The following TRAPPC12 variants were observed in gnomAD, a reference collection of about 807,000 sequenced individuals.
TRAPPC12 encodes the protein trafficking protein particle complex subunit 12.
A neutral mutation model predicts 69.2 loss-of-function variants in TRAPPC12; 61 were observed. The observed-to-expected ratio is 0.88, with a 90% CI of 0.72 to 1.09. The LOEUF (loss-of-function observed/expected upper bound fraction) is 1.09, where lower values mean the gene tolerates loss of function less well. TRAPPC12 is among the 50% of genes least tolerant of loss of function. The pLI is 0.00. For synonymous variants in TRAPPC12, 469 were observed against 438.9 expected (o/e 1.07, Z -0.86); for missense variants, 1,101 against 1,016.4 (o/e 1.08, Z -1.13).
chr2:3,417,305 C>G (rs1390023835), intron 3 of TRAPPC12, among the ~76,000 whole-genome samples: 2 of 152,114 alleles, frequency 1.3e-5, no homozygotes, highest in Non-Finnish European at 2.9e-5. Context: ...TCTCTCTCAC[C>G]CTCTAGGGAG....
At chr2:3,428,693 G>T (rs1223922821) in intron 5 of TRAPPC12, among the ~76,000 whole-genome samples, 1 of 152,124 alleles carries the variant, frequency 6.6e-6, no homozygotes, top group Non-Finnish European at 1.5e-5. Flanking sequence ...CCAAAGCCCA[G>T]CCCCGTTTCT....
chr2:3,440,016 CT>C (rs1467194777), intron 5 of TRAPPC12, among the ~76,000 whole-genome samples: 1 of 151,950 alleles, frequency 6.6e-6, no homozygotes, highest in Non-Finnish European at 1.5e-5. Flanking sequence ...GGACCAATTT[CT>C]TGTCTTTCTG....
At chr2:3,476,018 G>A (rs184438341) in intron 9 of TRAPPC12, among the ~76,000 whole-genome samples, 1 of 152,320 alleles carries the variant, frequency 6.6e-6, no homozygotes, top group African/African-American at 2.4e-5. Context: ...GCGTCACGGA[G>A]CCCATGCTGC....
rs1441420760 is a variant in TRAPPC12 at position 3,453,485 on chromosome 2, G to A, written c.1531-4136G>A. ...TCTTCCTGAAGCACTTGGCACTGTT[G>A]CCTCATCTCTGTCCTCTTCCTCCTA... is the stretch of plus-strand genomic sequence containing the variant. On this transcript the variant is annotated intron_variant, in intron 6 of 11. Coordinates refer to ENST00000324266, the MANE Select transcript of TRAPPC12 (RefSeq NM_016030.6). Among the ~76,000 whole-genome samples, 6 of 152,186 alleles carry A rather than the reference G, an allele frequency of 3.9e-5. No individual in the cohort carries two copies. The East Asian group carries it at 7.7e-4, about 20-fold the overall frequency.
In TRAPPC12 at chr2:3,387,777, TCG is replaced by T; in HGVS notation, c.155_156del (p.Ser52Ter). 6.2e-7 allele frequency: 1 copy of T among 1,613,094 alleles called. No individual in the cohort carries two copies. The highest frequency in any genetic ancestry group is 8.5e-7 in the Non-Finnish European group (1 of 1,179,512). On this transcript the variant is annotated frameshift_variant, in exon 2 of 12. Transcript: ENST00000324266. LOFTEE classifies it high-confidence loss of function. ...TGGATCCGAAGAGAACGAGACCGCATCGGAAGGCTCGAGTCCTCTCGCGGACA... is the reference window on the plus strand; with the variant it reads ...TGGATCCGAAGAGAACGAGACCGCATGAAGGCTCGAGTCCTCTCGCGGACA... ...EFGSEENETA[S>X]EGSSPLADKL...
intron 3 of TRAPPC12, among the ~76,000 whole-genome samples, chr2:3,410,008 G>A (rs1258949473): frequency 6.6e-6 from 1 of 152,140 alleles, no homozygotes; most frequent in Non-Finnish European, 1.5e-5. Context: ...CCTCCACCTG[G>A]GAGATGCAGG....
intron 3 of TRAPPC12, among the ~76,000 whole-genome samples, chr2:3,402,222 T>C (rs1327548167): frequency 6.6e-6 from 1 of 152,248 alleles, no homozygotes; most frequent in Non-Finnish European, 1.5e-5. Context: ...TTCTGCATTT[T>C]GTGTAGAAAG....
At position 3,388,296 on chromosome 2, in the gene TRAPPC12, G is replaced by C; in HGVS notation, c.673G>C (p.Asp225His). ...ASHSLASDFF[D>H]SFTTSAFISV... Reference sequence around the variant, plus strand: ...CCACTCCTTGGCCTCGGACTTCTTCGACTCCTTTACTACCTCCGCCTTCAT... The same window carrying C: ...CCACTCCTTGGCCTCGGACTTCTTCCACTCCTTTACTACCTCCGCCTTCAT... Residue 225 changes from aspartate (D) to histidine (H), a missense_variant, in exon 2 of 12, where the codon GAC becomes CAC. Coordinates refer to ENST00000324266, the MANE Select transcript of TRAPPC12 (RefSeq NM_016030.6). 4.4e-6 allele frequency: 7 copies of C among 1,607,594 alleles called. No homozygotes were observed. Among genetic ancestry groups the C allele is most frequent in the Non-Finnish European group, 5.9e-6 (7 of 1,177,030 alleles).
At position 3,465,694 on chromosome 2, in the gene TRAPPC12, A is replaced by G. The variant is rs1408707837; in HGVS notation, c.1775A>G (p.Gln592Arg). 6.2e-7 allele frequency: 1 copy of G among 1,611,962 alleles called. No homozygotes were observed. ...AGCGGCATCGGCCGGATTTCCCTGC[A>G]GGTACCTGTGCACGGTCAGACATGA... ...LLSGIGRISL[Q>R]IGDIKTAEKY... The change falls in exon 9 of 12, where the codon CAG becomes CGG. Residue 592 changes from glutamine (Q) to arginine (R), a missense_variant and splice_region_variant. Transcript: ENST00000324266.
chr2:3,388,734 G>A (rs1660653508), intron 2 of TRAPPC12, 64 bp downstream of exon 2: 1 of 1,416,754 alleles, frequency 7.1e-7, no homozygotes, highest in Non-Finnish European at 9.4e-7. Context: ...GATACGCACA[G>A]TGCCCCTTTA....
chr2:3,444,078 G>C (rs1664378939), intron 6 of TRAPPC12, among the ~76,000 whole-genome samples, 187 bp downstream of exon 6: 1 of 152,200 alleles, frequency 6.6e-6, no homozygotes, highest in Admixed American at 6.5e-5. Context: ...ATCTTTTTTA[G>C]GGATGGTAAG....
intron 6 of TRAPPC12, chr2:3,457,293 G>A: frequency 2.3e-6 from 1 of 435,772 alleles, no homozygotes; most frequent in Non-Finnish European, 4.5e-6. Context: ...ACCAGTGGGG[G>A]GAGGGTGGGA....
Position 3,431,713 on chromosome 2 carries a change from A to G in TRAPPC12, c.1417+7050A>G, listed in dbSNP as rs143920900. ...CCATGAAAATATTTCTAGAACATTC[A>G]TTCATTTTATATTAACAGCTTGCAT... On this transcript the variant is annotated intron_variant, in intron 5 of 11. Transcript: ENST00000324266. Among the ~76,000 whole-genome samples the G allele has an allele frequency of 4.6e-3, 707 of 152,290 alleles. 6 individuals carry two copies. The highest frequency in any genetic ancestry group is 0.016 in the African/African-American group (660 of 41,546).
intron 4 of TRAPPC12, among the ~76,000 whole-genome samples, chr2:3,423,608 G>A (rs1172594782): frequency 1.4e-5 from 2 of 147,946 alleles, no homozygotes; most frequent in African/African-American, 5.0e-5. Context: ...TTGTCTTTCT[G>A]TGCCTGGCTT....
chr2:3,428,240 T>C (rs543997872), intron 5 of TRAPPC12, among the ~76,000 whole-genome samples: 40 of 152,342 alleles, frequency 2.6e-4, no homozygotes, highest in Non-Finnish European at 5.1e-4. Context: ...CTACGCATCA[T>C]TGAGAAGCTA....
intron 5 of TRAPPC12, among the ~76,000 whole-genome samples, chr2:3,430,422 C>T (rs1433203389): frequency 6.6e-6 from 1 of 152,226 alleles, no homozygotes; most frequent in East Asian, 1.9e-4. Context: ...TCGCAACTGA[C>T]GTCTTTCTGA....
At position 3,388,532 on chromosome 2, in the gene TRAPPC12, G is replaced by A; in HGVS notation, c.909G>A (p.Met303Ile). ...PFATALSMSEMDRRNDAWLPG... is the reference protein window; with the variant it reads ...PFATALSMSEIDRRNDAWLPG... ...CCACCGCCCTGAGCATGAGCGAGAT[G>A]GACCGGAGGAACGACGCCTGGCTTC... is the stretch of plus-strand genomic sequence containing the variant. The change falls in exon 2 of 12, where the codon ATG becomes ATA. Residue 303 changes from methionine to isoleucine, a missense_variant. Met to Ile is a conservative substitution (Grantham distance 10). Coordinates refer to ENST00000324266, the MANE Select transcript of TRAPPC12 (RefSeq NM_016030.6). 1.9e-6 allele frequency: 3 copies of A among 1,613,122 alleles called. No homozygotes were observed. The highest frequency in any genetic ancestry group is 2.5e-6 in the Non-Finnish European group (3 of 1,179,742).
intron 3 of TRAPPC12, among the ~76,000 whole-genome samples, chr2:3,415,933 G>T (rs968873397): frequency 6.7e-6 from 1 of 149,952 alleles, no homozygotes; most frequent in Non-Finnish European, 1.5e-5. Context: ...AGCCAGGATG[G>T]TCTCGATCTC....
chr2:3,421,929 A>G lies in TRAPPC12; in HGVS notation c.1213A>G (p.Thr405Ala). Residue 405 changes from threonine (T) to alanine (A), a missense_variant, in exon 4 of 12, where the codon ACA becomes GCA. Physicochemically the swap from Thr to Ala is moderately conservative, Grantham distance 58. Coordinates refer to ENST00000324266, the MANE Select transcript of TRAPPC12 (RefSeq NM_016030.6). ...AAVDLCGRLL[T>A]AHGQGYGKSG... is the part of the protein sequence containing the mutation. ...AGTGGACCTGTGCGGACGTCTCCTC[A>G]CAGCCCACGGCCAGGGCTACGGCAA... is the stretch of plus-strand genomic sequence containing the variant. 6.2e-7 allele frequency: 1 copy of G among 1,613,876 alleles called. No homozygotes were observed. The highest frequency in any genetic ancestry group is 8.5e-7 in the Non-Finnish European group (1 of 1,180,012).
Sources: allele counts gnomAD v4.1 joint callset (sites outside exome capture counted in the v4.1 genomes callset), GRCh38; gene constraint gnomAD v4.1.1; transcripts MANE v1.5; gene names NCBI Gene and HGNC (gene_info 2026-07-23, HGNC 2026-07-21).